The following TMCC1 variants were observed in gnomAD, a reference collection of about 807,000 sequenced individuals.
TMCC1 encodes the protein transmembrane and coiled-coil domain family 1.
A neutral mutation model predicts 52.4 loss-of-function variants in TMCC1; 15 were observed. That is an observed-to-expected ratio of 0.29 (90% CI 0.19 to 0.44). The LOEUF (loss-of-function observed/expected upper bound fraction) is 0.44. Ranked by LOEUF, TMCC1 falls within the 20% of genes least tolerant of loss-of-function variation. The probability of loss-of-function intolerance (pLI) is 1.00; values close to 1 mark genes in which losing one functional copy is unlikely to be tolerated. For synonymous variants in TMCC1, 279 were observed against 301.9 expected (o/e 0.92, Z 0.79); for missense variants, 503 against 806.0 (o/e 0.62, Z 4.55).
At chr3:129,726,252 A>G (rs1389338075) in intron 4 of TMCC1, among the ~76,000 whole-genome samples, 1 of 152,230 alleles carries the variant, frequency 6.6e-6, no homozygotes, top group Non-Finnish European at 1.5e-5. Flanking sequence ...TATTTATTCA[A>G]TAATTCTTAC....
At chr3:129,665,807 T>C (rs2087403515) in intron 5 of TMCC1, among the ~76,000 whole-genome samples, 1 of 152,186 alleles carries the variant, frequency 6.6e-6, no homozygotes, top group Admixed American at 6.5e-5. Context: ...AAAACCCCAC[T>C]GAGCTTCAAT....
intron 4 of TMCC1, among the ~76,000 whole-genome samples, chr3:129,753,897 A>G (rs1363160394): frequency 6.7e-6 from 1 of 149,228 alleles, no homozygotes; most frequent in Non-Finnish European, 1.5e-5. Context: ...AGAAAGAAAT[A>G]AAACTCTATT....
intron 5 of TMCC1, among the ~76,000 whole-genome samples, chr3:129,659,612 A>C (rs971870788): frequency 6.6e-6 from 1 of 152,218 alleles, no homozygotes; most frequent in Non-Finnish European, 1.5e-5. Flanking sequence ...AGTCCTCAGC[A>C]CTTATTCCCA....
At chr3:129,748,392 A>T (rs2052180628) in intron 4 of TMCC1, among the ~76,000 whole-genome samples, 4 of 152,112 alleles carry the variant, frequency 2.6e-5, no homozygotes, top group Admixed American at 2.6e-4. Context: ...GGCTCAAGCG[A>T]TTCTCCTGGC....
intron 4 of TMCC1, among the ~76,000 whole-genome samples, chr3:129,700,472 G>A (rs895538744): frequency 6.6e-6 from 1 of 152,100 alleles, no homozygotes; most frequent in African/African-American, 2.4e-5. Context: ...GGAAAAAGAT[G>A]TCTTTTAAAA....
chr3:129,732,312 C>A (rs956371270), intron 4 of TMCC1, among the ~76,000 whole-genome samples: 1 of 152,102 alleles, frequency 6.6e-6, no homozygotes, highest in Non-Finnish European at 1.5e-5. Context: ...GTTCCCCAGC[C>A]AGAACTCCAA....
chr3:129,813,975 C>A (rs891896500), intron 4 of TMCC1, among the ~76,000 whole-genome samples: 1 of 135,556 alleles, frequency 7.4e-6, no homozygotes, highest in Admixed American at 7.3e-5. Flanking sequence ...TCCTTAAGTT[C>A]TTTTTCCTTA....
At chr3:129,731,352 G>C (rs2050521161) in intron 4 of TMCC1, among the ~76,000 whole-genome samples, 1 of 152,202 alleles carries the variant, frequency 6.6e-6, no homozygotes, top group African/African-American at 2.4e-5. Flanking sequence ...CCAAGGTGGA[G>C]AGATCACATG....
intron 4 of TMCC1, among the ~76,000 whole-genome samples, chr3:129,730,765 T>C (rs575355899): frequency 1.3e-5 from 2 of 152,306 alleles, no homozygotes; most frequent in African/African-American, 2.4e-5. Context: ...TGTGTGTACA[T>C]AAATCAACAG....
At chr3:129,676,036 CAAAAA>C (rs61105005) in intron 4 of TMCC1, among the ~76,000 whole-genome samples, 2 of 46,312 alleles carry the variant, frequency 4.3e-5, no homozygotes, top group Non-Finnish European at 4.4e-5. Context: ...GACTCTGTCT[CAAAAA>C]AAAAAAAAAA....
intron 5 of TMCC1, among the ~76,000 whole-genome samples, chr3:129,664,444 G>A (rs1356081549): frequency 6.6e-6 from 1 of 152,200 alleles, no homozygotes; most frequent in East Asian, 1.9e-4. Context: ...TCTACTGCAT[G>A]TGACAACTGC....
intron 4 of TMCC1, among the ~76,000 whole-genome samples, chr3:129,756,716 C>T (rs1006337234): frequency 2.0e-5 from 3 of 152,210 alleles, no homozygotes; most frequent in Admixed American, 1.3e-4. Flanking sequence ...AATCTTAATG[C>T]ATTCTGTTAA....
chr3:129,759,713 T>G (rs1395557445), intron 4 of TMCC1, among the ~76,000 whole-genome samples: 1 of 998 alleles, frequency 1.0e-3, no homozygotes, highest in South Asian at 0.042. Context: ...AGCCAAACTT[T>G]TTTTTTTTTT....
At chr3:129,871,487 A>G (rs1336822768) in intron 2 of TMCC1, among the ~76,000 whole-genome samples, 3 of 151,968 alleles carry the variant, frequency 2.0e-5, no homozygotes, top group African/African-American at 7.3e-5. Context: ...TATTAGATAA[A>G]CCTCCCAGTT....
At chr3:129,716,413 C>T (rs1476633384) in intron 4 of TMCC1, among the ~76,000 whole-genome samples, 3 of 146,590 alleles carry the variant, frequency 2.0e-5, no homozygotes, top group Admixed American at 7.1e-5. Flanking sequence ...CAGCTCACTG[C>T]AAGCTCTGTC....
intron 4 of TMCC1, among the ~76,000 whole-genome samples, chr3:129,803,119 C>T (rs919286155): frequency 1.3e-5 from 2 of 152,164 alleles, no homozygotes; most frequent in African/African-American, 4.8e-5. Flanking sequence ...AGGGCAGAGC[C>T]CTCATGACAT....
intron 4 of TMCC1, among the ~76,000 whole-genome samples, chr3:129,720,201 A>AAAAAAAAAAAAAAAAAAAAAAAAAAG (rs1560263938): frequency 1.3e-5 from 2 of 151,312 alleles, no homozygotes; most frequent in African/African-American, 4.9e-5. Context: ...AAAAAAAAAA[A>AAAAAAAAAAAAAAAAAAAAAAAAAAG]AGAGATGGAA....
intron 1 of TMCC1, among the ~76,000 whole-genome samples, chr3:129,890,090 G>C (rs748374766): frequency 1.3e-5 from 2 of 151,982 alleles, no homozygotes; most frequent in African/African-American, 2.4e-5. Flanking sequence ...AGTTTGCCTA[G>C]GCAACATATG....
chr3:129,755,827 G>C (rs952919482), intron 4 of TMCC1, among the ~76,000 whole-genome samples: 1 of 152,200 alleles, frequency 6.6e-6, no homozygotes, highest in Non-Finnish European at 1.5e-5. Flanking sequence ...GCCAAGGCTG[G>C]GGCGGTGGCT....
Sources: allele counts gnomAD v4.1 joint callset (sites outside exome capture counted in the v4.1 genomes callset), GRCh38; gene constraint gnomAD v4.1.1; transcripts MANE v1.5; gene names NCBI Gene and HGNC (gene_info 2026-07-23, HGNC 2026-07-21).